The following DSG2 variants were observed in gnomAD, a reference collection of about 807,000 sequenced individuals.
The protein encoded by DSG2 is desmoglein-2.
DSG2 carries 45 observed loss-of-function variants against 75.6 expected under a neutral mutation model. The observed-to-expected ratio is 0.60, with a 90% CI of 0.47 to 0.76. The LOEUF (loss-of-function observed/expected upper bound fraction) is 0.76, where lower values mean the gene tolerates loss of function less well. Among genes scored for constraint, DSG2 ranks in the 30% least tolerant of loss-of-function variants. DSG2 has a pLI of 0.00. For synonymous variants in DSG2, 429 were observed against 483.9 expected (o/e 0.89, Z 1.49); for missense variants, 1,267 against 1,357.4 (o/e 0.93, Z 1.05).
At chr18:31,532,303 GTC>G (rs1212010219) in intron 9 of DSG2, among the ~76,000 whole-genome samples, 1 of 152,126 alleles carries the variant, frequency 6.6e-6, no homozygotes, top group African/African-American at 2.4e-5. Flanking sequence ...ACTCACTGGA[GTC>G]TCTTTTTTAA....
chr18:31,542,823 G>T lies in DSG2; in HGVS notation c.2305G>T (p.Glu769Ter). 7.1e-7 allele frequency: 1 copy of T among 1,399,726 alleles called. No homozygotes were observed. The highest frequency in any genetic ancestry group is 9.5e-7 in the Non-Finnish European group (1 of 1,055,990). The allele number at this position is 1,399,726 out of a possible 1,614,324, so 86.7% of individuals were successfully genotyped here. ...GAQAAAVALNEEFLRNYFTDK... is the reference protein window; with the variant it reads ...GAQAAAVALN ...TCAGGCAGCTGCTGTTGCACTGAAC[G>T]AAGAATTCTTAAGAAATTATTTCAC... Residue 769 changes from glutamate to a stop codon, truncating the protein, a stop_gained, in exon 14 of 15, where the codon GAA becomes TAA. Coordinates refer to ENST00000261590, the MANE Select transcript of DSG2 (RefSeq NM_001943.5). LOFTEE classifies it low-confidence loss of function (END_TRUNC).
rs757764234 is a variant in DSG2 at position 31,519,786 on chromosome 18, A to G, written c.82-17A>G. The stretch of plus-strand genomic sequence containing the variant: ...TTATGACACATAATAAATTTTGGCA[A>G]TATTCTATTGTTATAGGTCTTAAGC... On this transcript the variant is annotated splice_polypyrimidine_tract_variant and intron_variant, in intron 2 of 14. Transcript: ENST00000261590. 6.2e-6 allele frequency: 10 copies of G among 1,613,298 alleles called. No homozygotes were observed. Among genetic ancestry groups the G allele is most frequent in the Non-Finnish European group, 4.2e-6 (5 of 1,179,350 alleles).
chr18:31,546,140 A>G lies in DSG2; in HGVS notation c.2754A>G (p.Gln918=), dbSNP rs764157519. The G allele has an allele frequency of 4.3e-6, 7 of 1,614,084 alleles. No individual in the cohort carries two copies. The highest frequency in any genetic ancestry group is 2.7e-5 in the African/African-American group (2 of 74,922). ...GATCTGTGTCTTCTAGGCAGGCGCA[A>G]AAGGTAGCTACACCTCTTCCTGACC... ...TERSVSSRQA[Q]KVATPLPDPM... is the part of the protein sequence containing the mutation. The change falls in exon 15 of 15, where the codon CAA becomes CAG. Residue 918 remains glutamine, a synonymous_variant. Transcript: ENST00000261590.
intron 8 of DSG2, among the ~76,000 whole-genome samples, chr18:31,529,982 T>A (rs552218852): frequency 6.6e-6 from 1 of 152,304 alleles, no homozygotes; most frequent in South Asian, 2.1e-4. Flanking sequence ...ATGGAAATGT[T>A]TATAAAAAGA....
intron 1 of DSG2, among the ~76,000 whole-genome samples, chr18:31,508,612 T>C (rs1410257579): frequency 6.6e-6 from 1 of 152,094 alleles, no homozygotes; most frequent in Non-Finnish European, 1.5e-5. Flanking sequence ...CAGGTTAGTC[T>C]TGAACTCCTG....
At chr18:31,527,841 T>A (rs1373689319) in intron 8 of DSG2, among the ~76,000 whole-genome samples, 1 of 152,230 alleles carries the variant, frequency 6.6e-6, no homozygotes, top group Non-Finnish European at 1.5e-5. Flanking sequence ...AGATGCAGTG[T>A]CTGGGCAGGT....
At chr18:31,530,964 T>G in intron 8 of DSG2, 23 bp from the exon 9 acceptor site, 1 of 1,612,676 alleles carries the variant, frequency 6.2e-7, no homozygotes, top group Non-Finnish European at 8.5e-7. Flanking sequence ...TTGAAAAGAA[T>G]TCCCTTTGGT....
At chr18:31,508,118 G>A (rs1159159407) in intron 1 of DSG2, among the ~76,000 whole-genome samples, 1 of 152,106 alleles carries the variant, frequency 6.6e-6, no homozygotes, top group Non-Finnish European at 1.5e-5. Context: ...GTGTAAGGAA[G>A]GGGTCCAGTT....
intron 1 of DSG2, among the ~76,000 whole-genome samples, chr18:31,502,834 A>G (rs2073020842): frequency 6.6e-6 from 1 of 152,208 alleles, no homozygotes; most frequent in Non-Finnish European, 1.5e-5. Context: ...AACTGAAAGC[A>G]TAAAGGACTT....
chr18:31,538,895 G>T lies in DSG2; in HGVS notation c.1796G>T (p.Cys599Phe), dbSNP rs2073248799. The change falls in exon 12 of 15, where the codon TGC becomes TTC. Residue 599 changes from cysteine (C) to phenylalanine (F), a missense_variant. Transcript: ENST00000261590. ...TVCECLHGSG[C>F]REAQHDSYVG... ...TGTGAGTGTCTGCATGGCAGCGGCT[G>T]CAGGGAAGCACAGCATGACTCCTAT... The T allele has an allele frequency of 6.2e-7, 1 of 1,614,052 alleles. No homozygotes were observed. The highest frequency in any genetic ancestry group is 1.3e-5 in the African/African-American group (1 of 74,912).
chr18:31,530,191 G>A (rs896938841), intron 8 of DSG2, among the ~76,000 whole-genome samples: 1 of 152,002 alleles, frequency 6.6e-6, no homozygotes, highest in Admixed American at 6.6e-5. Context: ...AAATCTCTAG[G>A]TTTCTTCTTT....
At chr18:31,533,469 T>C (rs2073210211) in intron 9 of DSG2, among the ~76,000 whole-genome samples, 1 of 152,230 alleles carries the variant, frequency 6.6e-6, no homozygotes, top group Non-Finnish European at 1.5e-5. Flanking sequence ...TAATTTACTG[T>C]TTTATTGATT....
At chr18:31,511,898 G>A (rs1161000500) in intron 1 of DSG2, among the ~76,000 whole-genome samples, 8 of 152,080 alleles carry the variant, frequency 5.3e-5, no homozygotes, top group Admixed American at 2.0e-4. Context: ...CCTGATAGCC[G>A]CTGTCCCAAT....
At position 31,546,372 on chromosome 18, in the gene DSG2, G is replaced by T. The variant is rs2073310151; in HGVS notation, c.2986G>T (p.Gly996Trp). The change falls in exon 15 of 15, where the codon GGG (glycine) becomes TGG (tryptophan). Residue 996 changes from glycine (G) to tryptophan (W), a missense_variant. Transcript: ENST00000261590. ...CACTGAAAGAGTAATACAGCCTCAT[G>T]GGGGTGGATCGAATCCTCTGGAAGG... ...VVTERVIQPHGGGSNPLEGTQ... is the reference protein window; with the variant it reads ...VVTERVIQPHWGGSNPLEGTQ... 6.2e-7 allele frequency: 1 copy of T among 1,614,056 alleles called. No homozygotes were observed. The highest frequency in any genetic ancestry group is 8.5e-7 in the Non-Finnish European group (1 of 1,179,946).
intron 14 of DSG2, 106 bp from the exon 15 acceptor site, chr18:31,545,615 C>T (rs988206165): frequency 7.6e-7 from 1 of 1,321,472 alleles, no homozygotes; most frequent in Non-Finnish European, 1.1e-6. Context: ...TAATTAAATT[C>T]ACATTACTGC....
Position 31,524,516 on chromosome 18 carries a change from AAAAC to A in DSG2, c.762_765del (p.Gln255LeufsTer16). 1.2e-6 allele frequency: 2 copies of A among 1,614,192 alleles called. No individual in the cohort carries two copies. Among genetic ancestry groups the A allele is most frequent in the Non-Finnish European group, 1.7e-6 (2 of 1,180,016 alleles). On this transcript the variant is annotated frameshift_variant, in exon 7 of 15. Coordinates refer to ENST00000261590, the MANE Select transcript of DSG2 (RefSeq NM_001943.5). LOFTEE classifies it high-confidence loss of function. ...ATGGAGAAGTTACAGACAAACCTGT[AAAAC>A]AAGCTCAAGTTCAGATTCGTATTTT...
chr18:31,519,477 T>C (rs2073114213), intron 2 of DSG2, among the ~76,000 whole-genome samples: 1 of 152,204 alleles, frequency 6.6e-6, no homozygotes, highest in Non-Finnish European at 1.5e-5. Context: ...GGCAGGAAGA[T>C]GGCTTGATCC....
Position 31,547,018 on chromosome 18 carries a change from T to C in DSG2, c.*275T>C. The C allele has an allele frequency of 2.0e-6, 1 of 496,920 alleles. No homozygotes were observed. Among genetic ancestry groups the C allele is most frequent in the South Asian group, 2.0e-5 (1 of 48,884 alleles). The allele number at this position is 496,920 out of a possible 1,614,324, so 30.8% of individuals were successfully genotyped here. ...TGCAAACAATCCTGATAAAACAAGATACATAGAGAGTCAATCTGGCTTCTG... is the reference window on the plus strand; with the variant it reads ...TGCAAACAATCCTGATAAAACAAGACACATAGAGAGTCAATCTGGCTTCTG... On this transcript the variant is annotated 3_prime_UTR_variant, in exon 15 of 15. Transcript: ENST00000261590.
intron 8 of DSG2, among the ~76,000 whole-genome samples, chr18:31,530,275 G>A (rs2073186734): frequency 6.6e-6 from 1 of 151,966 alleles, no homozygotes; most frequent in South Asian, 2.1e-4. Flanking sequence ...AGCTCACAGA[G>A]CTACCACTAC....
Sources: allele counts gnomAD v4.1 joint callset (sites outside exome capture counted in the v4.1 genomes callset), GRCh38; gene constraint gnomAD v4.1.1; transcripts MANE v1.5; gene names NCBI Gene and HGNC (gene_info 2026-07-23, HGNC 2026-07-21).